Variants in PLEKHD1 observed in about 807,000 individuals in gnomAD.
PLEKHD1 encodes pleckstrin homology and coiled-coil domain containing D1, also known as pleckstrin homology domain-containing family D member 1.
In PLEKHD1, 51 loss-of-function variants were observed where a neutral mutation model predicts 69.2. That is an observed-to-expected ratio of 0.74 (90% CI 0.59 to 0.93). The LOEUF (loss-of-function observed/expected upper bound fraction) is 0.93, where lower values mean the gene tolerates loss of function less well. Ranked by LOEUF, PLEKHD1 falls within the 40% of genes least tolerant of loss-of-function variation. PLEKHD1 has a pLI of 0.00. For missense variants in PLEKHD1, 584 were observed against 641.0 expected, an observed-to-expected ratio of 0.91 and a Z score of 0.96; for synonymous variants, 236 against 244.7, an observed-to-expected ratio of 0.96 and a Z score of 0.33.
intron 1 of PLEKHD1, among the ~76,000 whole-genome samples, chr14:69,491,979 T>C (rs1453906767): frequency 6.6e-6 from 1 of 152,162 alleles, no homozygotes; most frequent in Non-Finnish European, 1.5e-5. Flanking sequence ...GTTGTGGACT[T>C]CCCTATGGCT....
chr14:69,502,013 G>T, intron 5 of PLEKHD1, 188 bp downstream of exon 5: 1 of 516,416 alleles, frequency 1.9e-6, no homozygotes, highest in Non-Finnish European at 3.5e-6. Context: ...ATGACTGAAG[G>T]CAGGAGCGTC....
At chr14:69,501,024 C>T in intron 4 of PLEKHD1, 77 bp downstream of exon 4, 1 of 1,395,562 alleles carries the variant, frequency 7.2e-7, no homozygotes, top group Non-Finnish European at 9.9e-7. Context: ...CTCCCTGCCT[C>T]TCTGCTGGGA....
intron 6 of PLEKHD1, among the ~76,000 whole-genome samples, chr14:69,516,594 G>T (rs1043502136): frequency 6.6e-6 from 1 of 151,834 alleles, no homozygotes. Context: ...TTCTATTTTT[G>T]ATCCTTCTTC....
the PLEKHD1 span, among the ~76,000 whole-genome samples, chr14:69,476,426 G>A: frequency 2.0e-5 from 3 of 151,782 alleles, no homozygotes; most frequent in East Asian, 1.9e-4. Flanking sequence ...TTAGTTAGAC[G>A]TTTTGGCATG....
chr14:69,493,107 T>G (rs189131045), intron 1 of PLEKHD1, among the ~76,000 whole-genome samples: 8 of 152,342 alleles, frequency 5.3e-5, no homozygotes, highest in Admixed American at 2.6e-4. Flanking sequence ...TTCTACACTC[T>G]TTCTCCTGCT....
chr14:69,526,653 T>C (rs1883654474), intron 9 of PLEKHD1, 44 bp from the exon 10 acceptor site: 2 of 1,450,420 alleles, frequency 1.4e-6, no homozygotes, highest in East Asian at 2.6e-5. Context: ...GGCAATCCCA[T>C]TTGGCGAGTG....
chr14:69,528,887 T>C lies in PLEKHD1; in HGVS notation c.*468T>C, dbSNP rs1883727033. The C allele has an allele frequency of 6.3e-6, 1 of 159,818 alleles. No homozygotes were observed. The highest frequency in any genetic ancestry group is 1.4e-5 in the Non-Finnish European group (1 of 72,866). 9.9% of individuals were successfully genotyped at this position (159,818 alleles called of 1,614,324 possible). On this transcript the variant is annotated 3_prime_UTR_variant, in exon 13 of 13. Coordinates refer to ENST00000322564, the MANE Select transcript of PLEKHD1 (RefSeq NM_001161498.2). ...AGGCCTTGCCTCCCTACCTTGACAT[T>C]CCCTTTTCCCCAGGGTTTCCTAACC...
intron 6 of PLEKHD1, 103 bp downstream of exon 6, chr14:69,502,982 G>A: frequency 7.1e-7 from 1 of 1,414,396 alleles, no homozygotes; most frequent in Non-Finnish European, 9.8e-7. Context: ...GGACTTGCTA[G>A]AAGATCAGAT....
chr14:69,481,945 G>C (rs1044403096), upstream of PLEKHD1, among the ~76,000 whole-genome samples: 1 of 152,122 alleles, frequency 6.6e-6, no homozygotes, highest in Non-Finnish European at 1.5e-5. Flanking sequence ...ATTTCAGCAC[G>C]CCTACCAGCT....
intron 1 of PLEKHD1, among the ~76,000 whole-genome samples, chr14:69,488,038 C>A (rs1430108657): frequency 6.6e-6 from 1 of 152,174 alleles, no homozygotes; most frequent in Non-Finnish European, 1.5e-5. Context: ...CCTCCTCACC[C>A]CTTCTCCTCC....
intron 1 of PLEKHD1, among the ~76,000 whole-genome samples, chr14:69,489,438 A>C (rs184632101): frequency 4.8e-4 from 73 of 151,602 alleles, no homozygotes; most frequent in African/African-American, 1.7e-3. Context: ...GGGTGCCTGT[A>C]ATCCCAGCTA....
chr14:69,520,150 G>C (rs1883478692), intron 6 of PLEKHD1, among the ~76,000 whole-genome samples: 1 of 117,720 alleles, frequency 8.5e-6, no homozygotes, highest in Admixed American at 1.1e-4. Context: ...CTGGGTGACA[G>C]AGCGAGACTC....
At position 69,484,946 on chromosome 14, in the gene PLEKHD1, C is replaced by T. The variant is rs1397160393; in HGVS notation, c.-20C>T. ...CCGGGGAGGTGGGGTCCGGGCCGGG[C>T]ACAGCCCCGCTGAGGCAGGATGTTC... On this transcript the variant is annotated 5_prime_UTR_variant, in exon 1 of 13. Coordinates refer to ENST00000322564, the MANE Select transcript of PLEKHD1 (RefSeq NM_001161498.2). 4 of 1,548,430 alleles carry T rather than the reference C, an allele frequency of 2.6e-6. No homozygotes were observed. The African/African-American group carries it at 5.5e-5, about 21-fold the overall frequency.
At chr14:69,471,056 C>G in the PLEKHD1 span, among the ~76,000 whole-genome samples, 85,493 of 145,188 alleles carry the variant, frequency 0.59, 26,637 homozygotes, top group African/African-American at 0.81. Flanking sequence ...CTCCCAAAGG[C>G]CTGGGATTAC....
Position 69,484,937 on chromosome 14 carries a change from C to T in PLEKHD1, c.-29C>T, listed in dbSNP as rs1237799545. The T allele has an allele frequency of 6.5e-7, 1 of 1,545,656 alleles. No individual in the cohort carries two copies. Among genetic ancestry groups the T allele is most frequent in the East Asian group, 2.5e-5 (1 of 40,788 alleles). ...CTGCTGACCCCGGGGAGGTGGGGTC[C>T]GGGCCGGGCACAGCCCCGCTGAGGC... On this transcript the variant is annotated 5_prime_UTR_variant, in exon 1 of 13. Transcript: ENST00000322564.
chr14:69,496,702 A>ATTTTTTTTTTT (rs375368521), intron 1 of PLEKHD1, among the ~76,000 whole-genome samples: 3 of 112,920 alleles, frequency 2.7e-5, no homozygotes, highest in African/African-American at 7.3e-5. Context: ...TGCCCAGCTA[A>ATTTTTTTTTTT]TTTTTTTTTT....
At chr14:69,469,448 C>G in the PLEKHD1 span, among the ~76,000 whole-genome samples, 4 of 151,760 alleles carry the variant, frequency 2.6e-5, no homozygotes, top group Non-Finnish European at 4.4e-5. Context: ...CTCGCTCTAT[C>G]GCCCAGGCTG....
chr14:69,500,031 G>A (rs1381353452), intron 1 of PLEKHD1, 84 bp from the exon 2 acceptor site: 2 of 928,150 alleles, frequency 2.2e-6, no homozygotes, highest in Non-Finnish European at 3.3e-6. Flanking sequence ...TGTGAGTCCA[G>A]GGCCCCCAAG....
At chr14:69,512,755 T>C (rs538381785) in intron 6 of PLEKHD1, among the ~76,000 whole-genome samples, 1 of 152,244 alleles carries the variant, frequency 6.6e-6, no homozygotes, top group Admixed American at 6.5e-5. Context: ...AGACATTACA[T>C]GATTTCTATT....
Sources: allele counts gnomAD v4.1 joint callset (sites outside exome capture counted in the v4.1 genomes callset), GRCh38; gene constraint gnomAD v4.1.1; transcripts MANE v1.5; gene names NCBI Gene and HGNC (gene_info 2026-07-23, HGNC 2026-07-21).